The following CCR10 variants were observed in gnomAD, a reference collection of about 807,000 sequenced individuals.
CCR10 encodes C-C motif chemokine receptor 10.
Under a neutral mutation model 11.9 loss-of-function variants are expected in CCR10, and 11 were observed. The observed-to-expected ratio is 0.92, with a 90% confidence interval of 0.58 to 1.53. CCR10 has a LOEUF of 1.53. Ranked by LOEUF, CCR10 falls within the 40% of genes most tolerant of loss-of-function variation. The pLI, the probability that CCR10 is intolerant of heterozygous loss-of-function variation, is 0.00. For synonymous variants in CCR10, 224 were observed against 245.4 expected, an observed-to-expected ratio of 0.91 and a Z score of 0.81; for missense variants, 428 against 496.6, an observed-to-expected ratio of 0.86 and a Z score of 1.31.
At position 42,679,812 on chromosome 17, in the gene CCR10, G is replaced by T. The variant is rs538935038; in HGVS notation, c.830C>A (p.Ala277Glu). 3.1e-6 allele frequency: 5 copies of T among 1,607,870 alleles called. No homozygotes were observed. The highest frequency in any genetic ancestry group is 4.2e-6 in the Non-Finnish European group (5 of 1,178,342). ...GCTGGCAGGGCAGCTCCGCTCGCGCGCAGCCAGTAGATCGGCAGTATCCAG... is the reference window on the plus strand; with the variant it reads ...GCTGGCAGGGCAGCTCCGCTCGCGCTCAGCCAGTAGATCGGCAGTATCCAG... ...LLLDTADLLA[A>E]RERSCPASKR... is the part of the protein sequence containing the mutation. Residue 277 changes from alanine (A) to glutamate (E), a missense_variant, in exon 2 of 2, where the codon GCG becomes GAG. Coordinates refer to ENST00000332438, the MANE Select transcript of CCR10 (RefSeq NM_016602.3).
chr17:42,679,721 G>A lies in CCR10; in HGVS notation c.921C>T (p.Pro307=). The change falls in exon 2 of 2, where the codon CCC becomes CCT. Residue 307 remains proline (P), a synonymous_variant. Coordinates refer to ENST00000332438, the MANE Select transcript of CCR10 (RefSeq NM_016602.3). ...GLALARCGLN[P]VLYAFLGLRF... ...GCAGGCCCAGGAAGGCGTAGAGAAC[G>A]GGATTGAGGCCACAGCGGGCGAGGG... 6.4e-7 allele frequency: 1 copy of A among 1,572,068 alleles called. No homozygotes were observed. The highest frequency in any genetic ancestry group is 8.6e-7 in the Non-Finnish European group (1 of 1,160,210).
rs1359808910 is a variant in CCR10 at position 42,680,015 on chromosome 17, C to T, written c.627G>A (p.Val209=). 1.9e-6 allele frequency: 3 copies of T among 1,582,258 alleles called. No individual in the cohort carries two copies. The highest frequency in any genetic ancestry group is 1.3e-5 in the African/African-American group (1 of 74,698). The change falls in exon 2 of 2, where the codon GTG becomes GTA. Residue 209 remains valine, a synonymous_variant. Transcript: ENST00000332438. ...LTQTVKGASA[V]AQVALGFALP... ...GCGCGAAGCCCAGGGCCACCTGCGCCACGGCGCTCGCCCCCTTCACCGTCT... is the reference window on the plus strand; with the variant it reads ...GCGCGAAGCCCAGGGCCACCTGCGCTACGGCGCTCGCCCCCTTCACCGTCT...
Position 42,680,294 on chromosome 17 carries a change from G to A in CCR10, c.348C>T (p.Ile116=). ...GGAAGGAGGCCGAGTAGAGGCCAGA[G>A]ATGGTGCGGCAGGTGGCACTTCCCA... ...WSLGSATCRT[I]SGLYSASFHA... Residue 116 remains isoleucine, a synonymous_variant, in exon 2 of 2, where the codon ATC becomes ATT. Coordinates refer to ENST00000332438, the MANE Select transcript of CCR10 (RefSeq NM_016602.3). The A allele has an allele frequency of 6.4e-7, 1 of 1,559,060 alleles. No homozygotes were observed. The highest frequency in any genetic ancestry group is 8.7e-7 in the Non-Finnish European group (1 of 1,151,754).
In CCR10 at chr17:42,679,657, T is replaced by G. The variant is rs776284038; in HGVS notation, c.985A>C (p.Ser329Arg). ...CGGGGTTGAGGCCCTGAGGGGCAGC[T>G]CCCACCCCGTAGCAGCCTCCGCAGG... ...QDLRRLLRGGSCPSGPQPRRG... is the reference protein window; with the variant it reads ...QDLRRLLRGGRCPSGPQPRRG... The change falls in exon 2 of 2, where the codon AGC (serine) becomes CGC (arginine). Residue 329 changes from serine to arginine, a missense_variant. Coordinates refer to ENST00000332438, the MANE Select transcript of CCR10 (RefSeq NM_016602.3). 6.6e-7 allele frequency: 1 copy of G among 1,507,114 alleles called. No homozygotes were observed. Among genetic ancestry groups the G allele is most frequent in the Non-Finnish European group, 8.8e-7 (1 of 1,131,752 alleles). 93.4% of individuals were successfully genotyped at this position (1,507,114 alleles called of 1,614,324 possible). A position where few individuals can be genotyped will look rare whatever the true frequency, so the allele number is the denominator to read the frequency against.
intron 1 of CCR10, among the ~76,000 whole-genome samples, chr17:42,681,023 T>G (rs2052925521): frequency 6.6e-6 from 1 of 150,926 alleles, no homozygotes; most frequent in Non-Finnish European, 1.5e-5. Context: ...TTATTTATTA[T>G]TATTATTATT....
At position 42,679,256 on chromosome 17, in the gene CCR10, C is replaced by G. The variant is rs2052899117; in HGVS notation, c.*297G>C. On this transcript the variant is annotated 3_prime_UTR_variant, in exon 2 of 2. Transcript: ENST00000332438. ...GAGCTTTAGCAGACTCAGCAGCCCC[C>G]CACCCCCACCCAGGCCCTCAGCGTC... is the stretch of plus-strand genomic sequence containing the variant. 4 of 308,418 alleles carry G rather than the reference C, an allele frequency of 1.3e-5. No homozygotes were observed. The highest frequency in any genetic ancestry group is 1.5e-4 in the South Asian group (1 of 6,652). The allele number at this position is 308,418 out of a possible 1,614,324, so 19.1% of individuals were successfully genotyped here. A position where few individuals can be genotyped will look rare whatever the true frequency, so the allele number is the denominator to read the frequency against.
Position 42,680,188 on chromosome 17 carries a change from G to C in CCR10, c.454C>G (p.Pro152Ala). ...AAGTGTGCGCGGCCGGGAGTGGAGG[G>C]CCGCGGCCCGGCTGGGAGCGCTCGC... Reference protein sequence around the residue: ...IARALPAGPRPSTPGRAHLVS... With the variant: ...IARALPAGPRASTPGRAHLVS... Residue 152 changes from proline to alanine, a missense_variant, in exon 2 of 2, where the codon CCC becomes GCC. Physicochemically the swap from Pro to Ala is conservative, Grantham distance 27. Transcript: ENST00000332438. 6.2e-7 allele frequency: 1 copy of C among 1,608,836 alleles called. No individual in the cohort carries two copies. Among genetic ancestry groups the C allele is most frequent in the East Asian group, 2.2e-5 (1 of 44,676 alleles).
rs1414390262 is a variant in CCR10, at chr17:42,679,398, A to C, written c.*155T>G. ...CCAAGTCGGTGACTCAAAAATAGTAACAGTTGTTGGGTTGCATCTCATTTC... is the reference window on the plus strand; with the variant it reads ...CCAAGTCGGTGACTCAAAAATAGTACCAGTTGTTGGGTTGCATCTCATTTC... On this transcript the variant is annotated 3_prime_UTR_variant, in exon 2 of 2. Transcript: ENST00000332438. 2.0e-6 allele frequency: 1 copy of C among 510,844 alleles called. No homozygotes were observed. The highest frequency in any genetic ancestry group is 3.3e-6 in the Non-Finnish European group (1 of 300,234). The allele number at this position is 510,844 out of a possible 1,614,324, so 31.6% of individuals were successfully genotyped here. A position where few individuals can be genotyped will look rare whatever the true frequency, so the allele number is the denominator to read the frequency against.
In CCR10 at chr17:42,680,022, C is replaced by G; in HGVS notation, c.620G>C (p.Ser207Thr). 1 of 1,584,714 alleles carries G rather than the reference C, an allele frequency of 6.3e-7. No homozygotes were observed. Among genetic ancestry groups the G allele is most frequent in the Non-Finnish European group, 8.5e-7 (1 of 1,170,572 alleles). Residue 207 changes from serine (S) to threonine (T), a missense_variant, in exon 2 of 2, where the codon AGC (serine) becomes ACC (threonine). Coordinates refer to ENST00000332438, the MANE Select transcript of CCR10 (RefSeq NM_016602.3). ...EGLTQTVKGASAVAQVALGFA... is the reference protein window; with the variant it reads ...EGLTQTVKGATAVAQVALGFA... ...GCCCAGGGCCACCTGCGCCACGGCG[C>G]TCGCCCCCTTCACCGTCTGCGTGAG... is the stretch of plus-strand genomic sequence containing the variant.
At position 42,679,747 on chromosome 17, in the gene CCR10, C is replaced by T; in HGVS notation, c.895G>A (p.Ala299Thr). 1 of 1,594,652 alleles carries T rather than the reference C, an allele frequency of 6.3e-7. No individual in the cohort carries two copies. Among genetic ancestry groups the T allele is most frequent in the Non-Finnish European group, 8.5e-7 (1 of 1,171,796 alleles). ...GGATTGAGGCCACAGCGGGCGAGGG[C>T]CAAGCCGCTGGTCACCAGCAGTGCG... ...DVALLVTSGL[A>T]LARCGLNPVL... The change falls in exon 2 of 2, where the codon GCC becomes ACC. Residue 299 changes from alanine (A) to threonine (T), a missense_variant. Transcript: ENST00000332438.
At position 42,679,709 on chromosome 17, in the gene CCR10, G is replaced by A; in HGVS notation, c.933C>T (p.Ala311=). ...CCTGGCGGAAGCGCAGGCCCAGGAA[G>A]GCGTAGAGAACGGGATTGAGGCCAC... ...ARCGLNPVLY[A]FLGLRFRQDL... is the part of the protein sequence containing the mutation. Residue 311 remains alanine, a synonymous_variant, in exon 2 of 2, where the codon GCC becomes GCT. Coordinates refer to ENST00000332438, the MANE Select transcript of CCR10 (RefSeq NM_016602.3). The A allele has an allele frequency of 2.6e-6, 4 of 1,554,180 alleles. No homozygotes were observed. Among genetic ancestry groups the A allele is most frequent in the Non-Finnish European group, 3.5e-6 (4 of 1,150,830 alleles).
intron 1 of CCR10, chr17:42,681,380 G>A (rs1328453435): frequency 4.4e-6 from 1 of 228,468 alleles, no homozygotes; most frequent in Non-Finnish European, 8.7e-6. Flanking sequence ...CTCCTGGAAG[G>A]ATGCCCATAT....
chr17:42,680,207 C>T lies in CCR10; in HGVS notation c.435G>A (p.Ala145=), dbSNP rs1409195065. 7 of 1,603,004 alleles carry T rather than the reference C, an allele frequency of 4.4e-6. No homozygotes were observed. The highest frequency in any genetic ancestry group is 5.1e-6 in the Non-Finnish European group (6 of 1,175,558). ...TGGAGGGCCGCGGCCCGGCTGGGAG[C>T]GCTCGCGCGATGGCCACGTAGCGGT... ...SADRYVAIAR[A]LPAGPRPSTP... Residue 145 remains alanine, a synonymous_variant, in exon 2 of 2, where the codon GCG becomes GCA. Coordinates refer to ENST00000332438, the MANE Select transcript of CCR10 (RefSeq NM_016602.3).
chr17:42,681,423 C>G (rs1455050609), intron 1 of CCR10: 3 of 321,984 alleles, frequency 9.3e-6, no homozygotes, highest in Admixed American at 9.5e-5. Flanking sequence ...GCCCTGGACT[C>G]CAACCTCCGT....
At position 42,680,437 on chromosome 17, in the gene CCR10, C is replaced by T. The variant is rs1364430300; in HGVS notation, c.205G>A (p.Ala69Thr). ...GTGGGCGAGCGCGCTGCGCGTCGGG[C>T]TGCCAGGTGGGTGGCCAGGACCAGG... is the stretch of plus-strand genomic sequence containing the variant. ...NGLVLATHLA[A>T]RRAARSPTSA... Residue 69 changes from alanine (A) to threonine (T), a missense_variant, in exon 2 of 2, where the codon GCC becomes ACC. Transcript: ENST00000332438. 1 of 1,588,454 alleles carries T rather than the reference C, an allele frequency of 6.3e-7. No homozygotes were observed. Among genetic ancestry groups the T allele is most frequent in the Non-Finnish European group, 8.6e-7 (1 of 1,167,572 alleles).
chr17:42,679,811 C>G lies in CCR10; in HGVS notation c.831G>C (p.Ala277=). 6.2e-7 allele frequency: 1 copy of G among 1,608,248 alleles called. No homozygotes were observed. The highest frequency in any genetic ancestry group is 8.5e-7 in the Non-Finnish European group (1 of 1,178,466). Residue 277 remains alanine, a synonymous_variant, in exon 2 of 2, where the codon GCG becomes GCC. Coordinates refer to ENST00000332438, the MANE Select transcript of CCR10 (RefSeq NM_016602.3). The stretch of plus-strand genomic sequence containing the variant: ...TGCTGGCAGGGCAGCTCCGCTCGCG[C>G]GCAGCCAGTAGATCGGCAGTATCCA... ...LLLDTADLLA[A]RERSCPASKR...
Position 42,680,223 on chromosome 17 carries a change from A to G in CCR10, c.419T>C (p.Val140Ala). The G allele has an allele frequency of 1.3e-6, 2 of 1,597,536 alleles. No homozygotes were observed. Among genetic ancestry groups the G allele is most frequent in the African/African-American group, 1.3e-5 (1 of 74,804 alleles). ...GGCTGGGAGCGCTCGCGCGATGGCC[A>G]CGTAGCGGTCGGCGCTGATACAGGC... is the stretch of plus-strand genomic sequence containing the variant. ...FLACISADRY[V>A]AIARALPAGP... The change falls in exon 2 of 2, where the codon GTG becomes GCG. Residue 140 changes from valine (V) to alanine (A), a missense_variant. Physicochemically the swap from Val to Ala is moderately conservative, Grantham distance 64. Transcript: ENST00000332438.
At position 42,679,456 on chromosome 17, in the gene CCR10, G is replaced by T. The variant is rs1373054048; in HGVS notation, c.*97C>A. ...TCAATTTAATGTGGCAAGGCACAGA[G>T]GTAGTCCCTTTAGGTCCCTGCCTCT... On this transcript the variant is annotated 3_prime_UTR_variant, in exon 2 of 2. Coordinates refer to ENST00000332438, the MANE Select transcript of CCR10 (RefSeq NM_016602.3). 2 of 760,120 alleles carry T rather than the reference G, an allele frequency of 2.6e-6. No homozygotes were observed. The highest frequency in any genetic ancestry group is 5.9e-5 in the East Asian group (2 of 34,068). 47.1% of individuals were successfully genotyped at this position (760,120 alleles called of 1,614,324 possible).
Position 42,681,819 on chromosome 17 carries a change from C to T in CCR10, c.5G>A (p.Gly2Glu), listed in dbSNP as rs1406567942. Reference sequence around the variant, plus strand: ...TCCCACCTGCTCTGTGGCCTCCGTCCCCATCTCTGGCTACACAGGTTTCTG... The same window carrying T: ...TCCCACCTGCTCTGTGGCCTCCGTCTCCATCTCTGGCTACACAGGTTTCTG... M[G>E]TEATEQVSWG... is the part of the protein sequence containing the mutation. Residue 2 changes from glycine (G) to glutamate (E), a missense_variant, in exon 1 of 2, where the codon GGG becomes GAG. Transcript: ENST00000332438. 5 of 1,613,218 alleles carry T rather than the reference C, an allele frequency of 3.1e-6. No individual in the cohort carries two copies. Among genetic ancestry groups the T allele is most frequent in the Non-Finnish European group, 4.2e-6 (5 of 1,179,392 alleles).
Sources: gnomAD v4.1 joint callset for allele counts (sites outside exome capture counted in the v4.1 genomes callset) on GRCh38, gnomAD v4.1.1 for gene constraint, MANE v1.5 for transcripts, NCBI Gene and HGNC (gene_info 2026-07-23, HGNC 2026-07-21) for gene names.